The following ENG variants were observed in gnomAD, a reference collection of about 807,000 sequenced individuals.
ENG encodes the protein endoglin.
A neutral mutation model predicts 71.0 loss-of-function variants in ENG; 17 were observed. That is an observed-to-expected ratio of 0.24 (90% CI 0.16 to 0.36). ENG has a LOEUF of 0.36. ENG is among the 10% of genes least tolerant of loss of function. The pLI is 1.00. For missense variants in ENG, 749 were observed against 868.3 expected (o/e 0.86, Z 1.73); for synonymous variants, 360 against 366.9 (o/e 0.98, Z 0.21).
chr9:127,848,790 T>C (rs1003114546), intron 1 of ENG, among the ~76,000 whole-genome samples: 4 of 152,230 alleles, frequency 2.6e-5, no homozygotes, highest in Admixed American at 6.5e-5. Context: ...CAGCATTCCA[T>C]GTCCCAATCA....
chr9:127,831,021 T>C (rs1178364800), intron 2 of ENG, among the ~76,000 whole-genome samples: 2 of 152,196 alleles, frequency 1.3e-5, no homozygotes, highest in African/African-American at 4.8e-5. Context: ...TTCAATGATG[T>C]ATACATTTAG....
In ENG at chr9:127,815,669, CG is replaced by C. The variant is rs1180209908; in HGVS notation, c.*12del. On this transcript the variant is annotated 3_prime_UTR_variant, in exon 15 of 15. Coordinates refer to ENST00000373203, the MANE Select transcript of ENG (RefSeq NM_001114753.3). The stretch of plus-strand genomic sequence containing the variant: ...CTCAGTCTCTCCTGCTGGGCGAGCG[CG>C]GGGGGCCGGGGCTATGCCATGCTGC... 5 of 1,553,048 alleles carry C rather than the reference CG, an allele frequency of 3.2e-6. No individual in the cohort carries two copies. The highest frequency in any genetic ancestry group is 2.4e-5 in the South Asian group (2 of 84,944).
intron 3 of ENG, 48 bp downstream of exon 3, chr9:127,829,639 C>T: frequency 6.2e-7 from 1 of 1,611,410 alleles, no homozygotes; most frequent in Non-Finnish European, 8.5e-7. Context: ...ACAGTAGGGA[C>T]CTCCCATGGC....
At position 127,818,313 on chromosome 9, in the gene ENG, C is replaced by T. The variant is rs770013214; in HGVS notation, c.1493G>A (p.Gly498Glu). 2 of 1,614,044 alleles carry T rather than the reference C, an allele frequency of 1.2e-6. No individual in the cohort carries two copies. Among genetic ancestry groups the T allele is most frequent in the Non-Finnish European group, 1.7e-6 (2 of 1,180,014 alleles). Residue 498 changes from glycine to glutamate, a missense_variant, in exon 12 of 15, where the codon GGG becomes GAG. Physicochemically the swap from Gly to Glu is moderately conservative, Grantham distance 98. Transcript: ENST00000373203. ...GAGTTCCACGGTGCCTCCCTCAGGC[C>T]CCAAGTCCAGGTGGCAGCTGTCTAA... ...LQLDSCHLDL[G>E]PEGGTVELIQ...
rs1276112036 is a variant in ENG at position 127,815,542 on chromosome 9, G to T, written c.*140C>A. 1.4e-6 allele frequency: 2 copies of T among 1,422,638 alleles called. No individual in the cohort carries two copies. Among genetic ancestry groups the T allele is most frequent in the African/African-American group, 2.9e-5 (2 of 70,076 alleles). The allele number at this position is 1,422,638 out of a possible 1,614,324, so 88.1% of individuals were successfully genotyped here. On this transcript the variant is annotated 3_prime_UTR_variant, in exon 15 of 15. Coordinates refer to ENST00000373203, the MANE Select transcript of ENG (RefSeq NM_001114753.3). ...CTGCACTGGCAGCAGGCCTCTGAGA[G>T]GGAGGCGGGAAGGGTAGGCGCGGAG...
intron 13 of ENG, chr9:127,816,432 A>C (rs994054540): frequency 2.7e-6 from 1 of 373,206 alleles, no homozygotes; most frequent in African/African-American, 2.1e-5. Context: ...GGCCTTTAGC[A>C]GGTAGAGAAT....
intron 3 of ENG, among the ~76,000 whole-genome samples, 196 bp downstream of exon 3, chr9:127,829,491 G>A (rs1183423313): frequency 3.3e-5 from 5 of 152,178 alleles, no homozygotes; most frequent in Non-Finnish European, 7.3e-5. Flanking sequence ...ACTCTTTACT[G>A]TAGTCCTGGT....
Position 127,818,131 on chromosome 9 carries a change from A to T in ENG, c.1675T>A (p.Ser559Thr). 1.2e-6 allele frequency: 2 copies of T among 1,614,118 alleles called. No individual in the cohort carries two copies. The highest frequency in any genetic ancestry group is 1.7e-6 in the Non-Finnish European group (2 of 1,180,034). The change falls in exon 12 of 15, where the codon TCT (serine) becomes ACT (threonine). Residue 559 changes from serine to threonine, a missense_variant. Transcript: ENST00000373203. Reference protein sequence around the residue: ...CTVALRPKTGSQDQEVHRTVF... With the variant: ...CTVALRPKTGTQDQEVHRTVF... ...CAGGCCCCACTCACCTGGTCTTGAG[A>T]CCCGGTCTTGGGACGCAGGGCTACC...
chr9:127,848,191 G>A (rs990580746), intron 1 of ENG, among the ~76,000 whole-genome samples: 6 of 152,168 alleles, frequency 3.9e-5, no homozygotes, highest in African/African-American at 1.4e-4. Context: ...TGCCCAGTCA[G>A]TGGGGATATG....
chr9:127,826,472 A>C (rs1299866210), intron 4 of ENG, 38 bp downstream of exon 4: 1 of 1,613,424 alleles, frequency 6.2e-7, no homozygotes, highest in Non-Finnish European at 8.5e-7. Flanking sequence ...CCTCCTGAGC[A>C]GTATCATGAG....
At chr9:127,841,914 A>G (rs572126678) in intron 2 of ENG, among the ~76,000 whole-genome samples, 76 of 152,336 alleles carry the variant, frequency 5.0e-4, no homozygotes, top group Non-Finnish European at 9.4e-4. Flanking sequence ...TCCTTCTCCA[A>G]GAAGTGGGGA....
intron 3 of ENG, among the ~76,000 whole-genome samples, chr9:127,827,625 A>T (rs1801949173): frequency 6.6e-6 from 1 of 152,202 alleles, no homozygotes; most frequent in South Asian, 2.1e-4. Flanking sequence ...GAAGGGCAAA[A>T]GGGCTTCGGG....
intron 8 of ENG, among the ~76,000 whole-genome samples, chr9:127,821,720 A>T (rs558058693): frequency 6.6e-6 from 1 of 151,728 alleles, no homozygotes; most frequent in African/African-American, 2.4e-5. Context: ...TGCTAAAAAA[A>T]AAAATACAAA....
intron 2 of ENG, among the ~76,000 whole-genome samples, chr9:127,839,241 G>A (rs1295936891): frequency 1.3e-5 from 2 of 152,144 alleles, no homozygotes; most frequent in African/African-American, 4.8e-5. Context: ...TGCCACCTCT[G>A]CCTCCCTGGC....
At chr9:127,835,559 C>T (rs564850562) in intron 2 of ENG, among the ~76,000 whole-genome samples, 2 of 152,278 alleles carry the variant, frequency 1.3e-5, no homozygotes, top group African/African-American at 4.8e-5. Flanking sequence ...ATCCGCCATC[C>T]CATGGTGACA....
At position 127,825,995 on chromosome 9, in the gene ENG, C is replaced by G. The variant is rs575459460; in HGVS notation, c.524-135G>C. The G allele has an allele frequency of 7.4e-6, 9 of 1,219,178 alleles. No homozygotes were observed. In the South Asian group the frequency reaches 8.1e-5, roughly 11 times the overall value. 75.5% of individuals were successfully genotyped at this position (1,219,178 alleles called of 1,614,324 possible). ...CAGAGGGGGAGAGGCGTCAGAGGAC[C>G]TAGGTTCGAACTTCCCTTCCACCAC... On this transcript the variant is annotated intron_variant, in intron 4 of 14. Coordinates refer to ENST00000373203, the MANE Select transcript of ENG (RefSeq NM_001114753.3).
intron 6 of ENG, 26 bp downstream of exon 6, chr9:127,825,205 T>C: frequency 6.2e-7 from 1 of 1,613,094 alleles, no homozygotes; most frequent in South Asian, 1.1e-5. Flanking sequence ...TTGGGTTTTG[T>C]GTCCCGGGAG....
chr9:127,848,950 C>T (rs1304339867), intron 1 of ENG, among the ~76,000 whole-genome samples: 2 of 152,188 alleles, frequency 1.3e-5, no homozygotes, highest in African/African-American at 4.8e-5. Context: ...ACAACCTTTT[C>T]CACCAGTTTT....
rs936983388 is a variant in ENG, at chr9:127,846,763, C to A, written c.68-3518G>T. On this transcript the variant is annotated intron_variant, in intron 1 of 14. Coordinates refer to ENST00000373203, the MANE Select transcript of ENG (RefSeq NM_001114753.3). This position sits in a 1 kb window ranked among gnomAD's most constrained non-coding sequence, Gnocchi z 5.5. The stretch of plus-strand genomic sequence containing the variant: ...GACCAAGTTGAAAACAATCCCCTGG[C>A]ACCAAGGGAAACGCCAGGGCCTCCC... Among the ~76,000 whole-genome samples the A allele has an allele frequency of 2.0e-5, 3 of 152,118 alleles. No homozygotes were observed. Among genetic ancestry groups the A allele is most frequent in the South Asian group, 2.1e-4 (1 of 4,830 alleles).
Sources: allele counts gnomAD v4.1 joint callset (sites outside exome capture counted in the v4.1 genomes callset), GRCh38; gene constraint gnomAD v4.1.1; non-coding constraint Gnocchi (gnomAD v3.1); transcripts MANE v1.5; gene names NCBI Gene and HGNC (gene_info 2026-07-23, HGNC 2026-07-21).